Variants in MARCHF1 observed in about 807,000 individuals in gnomAD.
The protein encoded by MARCHF1 is E3 ubiquitin-protein ligase MARCHF1.
In MARCHF1, 40 loss-of-function variants were observed where a neutral mutation model predicts 54.2. The observed-to-expected ratio is 0.74, with a 90% CI of 0.57 to 0.96. The LOEUF (loss-of-function observed/expected upper bound fraction) is 0.96, where lower values mean the gene tolerates loss of function less well. Ranked by LOEUF, MARCHF1 falls within the 40% of genes least tolerant of loss-of-function variation. The pLI is 0.00. For synonymous variants in MARCHF1, 236 were observed against 236.3 expected, an observed-to-expected ratio of 1.00 and a Z score of 0.01; for missense variants, 586 against 656.5, an observed-to-expected ratio of 0.89 and a Z score of 1.17.
intron 2 of MARCHF1, among the ~76,000 whole-genome samples, chr4:164,081,523 G>A (rs887322917): frequency 2.0e-5 from 3 of 152,200 alleles, no homozygotes; most frequent in South Asian, 2.1e-4. Flanking sequence ...GACATTCTCC[G>A]AAGCCTGGGA....
chr4:163,978,150 G>T (rs1453317993), intron 3 of MARCHF1, among the ~76,000 whole-genome samples: 1 of 152,148 alleles, frequency 6.6e-6, no homozygotes, highest in Non-Finnish European at 1.5e-5. Flanking sequence ...ACTTATCTAA[G>T]GCAAACAAAC....
chr4:163,552,370 G>A (rs1248711330), intron 8 of MARCHF1, among the ~76,000 whole-genome samples: 3 of 152,176 alleles, frequency 2.0e-5, no homozygotes, highest in Non-Finnish European at 2.9e-5. Flanking sequence ...GTGTGTGCAC[G>A]CAGCGGTTTA....
intron 1 of MARCHF1, among the ~76,000 whole-genome samples, chr4:164,347,877 C>T (rs528559606): frequency 3.5e-4 from 53 of 152,094 alleles, no homozygotes; most frequent in Non-Finnish European, 5.3e-4. Context: ...TGTTTATGTT[C>T]ATGGTGTTTA....
At chr4:163,932,941 T>C (rs1012851287) in intron 3 of MARCHF1, 10 of 663,344 alleles carry the variant, frequency 1.5e-5, no homozygotes, top group Admixed American at 5.5e-5. Context: ...AAACAAATGA[T>C]AGATAATTCC....
intron 1 of MARCHF1, among the ~76,000 whole-genome samples, chr4:164,118,368 T>G (rs1157879779): frequency 6.6e-6 from 1 of 151,144 alleles, no homozygotes; most frequent in African/African-American, 2.4e-5. Flanking sequence ...ACAGATTTCC[T>G]AATAGAAACA....
At chr4:164,312,682 A>T (rs868444796) in intron 1 of MARCHF1, among the ~76,000 whole-genome samples, 3 of 152,180 alleles carry the variant, frequency 2.0e-5, no homozygotes, top group South Asian at 2.1e-4. Flanking sequence ...TACGATTTAC[A>T]TAAAACCCAC....
chr4:163,782,839 T>A (rs1034673746), intron 4 of MARCHF1, among the ~76,000 whole-genome samples: 3 of 152,126 alleles, frequency 2.0e-5, no homozygotes, highest in Non-Finnish European at 4.4e-5. Context: ...AACTAGGATT[T>A]AGAATTTTGG....
At chr4:163,695,532 ACT>A (rs1286700176) in intron 5 of MARCHF1, among the ~76,000 whole-genome samples, 1 of 152,106 alleles carries the variant, frequency 6.6e-6, no homozygotes, top group East Asian at 1.9e-4. Context: ...AATTGAAATG[ACT>A]CTCTGTCATG....
intron 4 of MARCHF1, among the ~76,000 whole-genome samples, chr4:163,749,127 T>G (rs1746445773): frequency 6.6e-6 from 1 of 152,196 alleles, no homozygotes; most frequent in Non-Finnish European, 1.5e-5. Context: ...TATCTTTTTA[T>G]TAAACTTATT....
chr4:163,555,411 TC>T (rs200651628), intron 8 of MARCHF1, among the ~76,000 whole-genome samples: 2,379 of 152,044 alleles, frequency 0.016, 34 homozygotes, highest in South Asian at 0.065. Flanking sequence ...TCCTTCCATA[TC>T]CCCCCAAAAA....
At chr4:163,746,013 AC>A (rs1746350564) in intron 4 of MARCHF1, among the ~76,000 whole-genome samples, 1 of 152,184 alleles carries the variant, frequency 6.6e-6, no homozygotes, top group Non-Finnish European at 1.5e-5. Flanking sequence ...GTACACTGAC[AC>A]ATCACCCAAA....
In MARCHF1 at chr4:163,918,574, G is replaced by C. The variant is rs558608177; in HGVS notation, c.-38-64405C>G. ...GAGATTAAGTGATGAGGAAAAAAAAGTGTGTATCTTCAGCAACATGCAACT... is the reference window on the plus strand; with the variant it reads ...GAGATTAAGTGATGAGGAAAAAAAACTGTGTATCTTCAGCAACATGCAACT... On this transcript the variant is annotated intron_variant, in intron 3 of 9. Transcript: ENST00000514618. Among the ~76,000 whole-genome samples the C allele has an allele frequency of 4.1e-4, 63 of 152,266 alleles. 1 individual carries two copies. The highest frequency in any genetic ancestry group is 7.5e-4 in the Non-Finnish European group (51 of 68,008).
At chr4:164,190,522 G>T (rs1731096720) in intron 1 of MARCHF1, among the ~76,000 whole-genome samples, 1 of 152,168 alleles carries the variant, frequency 6.6e-6, no homozygotes, top group African/African-American at 2.4e-5. Context: ...TCTTCAGGTA[G>T]GGGGCAGAAG....
At chr4:163,602,792 T>C (rs1741014513) in intron 7 of MARCHF1, among the ~76,000 whole-genome samples, 1 of 152,098 alleles carries the variant, frequency 6.6e-6, no homozygotes, top group African/African-American at 2.4e-5. Flanking sequence ...GACAACAGAA[T>C]GTCAGTCTCA....
intron 1 of MARCHF1, among the ~76,000 whole-genome samples, chr4:164,349,058 T>G (rs997806717): frequency 2.6e-5 from 4 of 152,158 alleles, no homozygotes; most frequent in Admixed American, 2.0e-4. Context: ...ATGGTACTGA[T>G]GCACACAGAA....
At chr4:164,279,462 G>A (rs1026041248) in intron 1 of MARCHF1, among the ~76,000 whole-genome samples, 2 of 151,258 alleles carry the variant, frequency 1.3e-5, no homozygotes, top group Non-Finnish European at 3.0e-5. Context: ...ACATTTTTCA[G>A]AATCAAAAAA....
chr4:163,943,626 A>C (rs890740635), intron 3 of MARCHF1, among the ~76,000 whole-genome samples: 9 of 152,060 alleles, frequency 5.9e-5, no homozygotes, highest in African/African-American at 1.9e-4. Context: ...ATCAGGAAAA[A>C]TAACTAATGG....
intron 1 of MARCHF1, among the ~76,000 whole-genome samples, chr4:164,280,230 A>G (rs1733992296): frequency 6.6e-6 from 1 of 152,016 alleles, no homozygotes; most frequent in Admixed American, 6.6e-5. Flanking sequence ...TTTAGTAATA[A>G]GTTTACATAG....
At chr4:163,530,484 C>T (rs1289811972) in intron 9 of MARCHF1, 3 of 151,838 alleles carry the variant, frequency 2.0e-5, no homozygotes, top group Non-Finnish European at 4.4e-5. Context: ...GTCTGACTCC[C>T]TTGAACCTTT....
Sources: gnomAD v4.1 joint callset for allele counts (sites outside exome capture counted in the v4.1 genomes callset) on GRCh38, gnomAD v4.1.1 for gene constraint, MANE v1.5 for transcripts, NCBI Gene and HGNC (gene_info 2026-07-23, HGNC 2026-07-21) for gene names.